Variants in LRBA observed in about 807,000 individuals in gnomAD.
LRBA encodes LPS responsive beige-like anchor protein.
A neutral mutation model predicts 330.0 loss-of-function variants in LRBA; 176 were observed. The observed-to-expected ratio is 0.53, with a 90% CI of 0.47 to 0.60. The LOEUF is 0.60. Ranked by LOEUF, LRBA falls within the 20% of genes least tolerant of loss-of-function variation. The probability of loss-of-function intolerance (pLI) is 0.00; values close to 1 mark genes in which losing one functional copy is unlikely to be tolerated. For synonymous variants in LRBA, 1,230 were observed against 1,193.0 expected (o/e 1.03, Z -0.64); for missense variants, 3,259 against 3,444.8 (o/e 0.95, Z 1.35).
At chr4:150,406,557 G>T (rs1469859521) in intron 47 of LRBA, among the ~76,000 whole-genome samples, 5 of 152,284 alleles carry the variant, frequency 3.3e-5, no homozygotes, top group Non-Finnish European at 4.4e-5. Context: ...GGCTTTAACA[G>T]TATCAGGCAA....
At chr4:150,600,333 G>A (rs1164661389) in intron 37 of LRBA, among the ~76,000 whole-genome samples, 1 of 152,078 alleles carries the variant, frequency 6.6e-6, no homozygotes, top group Non-Finnish European at 1.5e-5. Context: ...CAAATTAGTA[G>A]TCTTCAACAA....
At chr4:150,808,428 AT>A in intron 31 of LRBA, 30 bp from the exon 32 acceptor site, 1 of 1,292,908 alleles carries the variant, frequency 7.7e-7, no homozygotes, top group Non-Finnish European at 1.1e-6. Flanking sequence ...ATCTATAGGA[AT>A]TTTCTGCTTT....
intron 39 of LRBA, among the ~76,000 whole-genome samples, chr4:150,589,370 C>G (rs190257918): frequency 6.6e-6 from 1 of 152,242 alleles, no homozygotes; most frequent in Non-Finnish European, 1.5e-5. Context: ...GAGATCAGAG[C>G]AGGTTTTGCC....
chr4:150,981,783 A>G (rs1010225574), intron 2 of LRBA, among the ~76,000 whole-genome samples: 2 of 151,958 alleles, frequency 1.3e-5, no homozygotes, highest in Non-Finnish European at 2.9e-5. Flanking sequence ...ACACGGCGAA[A>G]CCCTGTGTCT....
intron 40 of LRBA, among the ~76,000 whole-genome samples, chr4:150,496,492 T>A (rs562021917): frequency 9.9e-4 from 151 of 151,782 alleles, no homozygotes; most frequent in Admixed American, 1.4e-3. Context: ...TTTATTTTTT[T>A]AAAAAAAACT....
intron 38 of LRBA, among the ~76,000 whole-genome samples, chr4:150,592,282 A>T (rs1210588264): frequency 6.6e-6 from 1 of 150,758 alleles, no homozygotes; most frequent in Non-Finnish European, 1.5e-5. Context: ...TATTCTACAT[A>T]GTTAACCTGC....
chr4:150,559,545 G>C (rs1464628169), intron 40 of LRBA, among the ~76,000 whole-genome samples: 1 of 123,286 alleles, frequency 8.1e-6, no homozygotes, highest in African/African-American at 3.1e-5. Flanking sequence ...TTATATATAA[G>C]ATAAATATAT....
intron 40 of LRBA, among the ~76,000 whole-genome samples, chr4:150,500,677 A>G (rs1432060095): frequency 1.3e-5 from 2 of 152,244 alleles, no homozygotes; most frequent in East Asian, 3.9e-4. Flanking sequence ...TATTCTGTGT[A>G]GCAGATACAA....
At chr4:150,809,354 G>A (rs550756769) in intron 31 of LRBA, among the ~76,000 whole-genome samples, 1 of 152,254 alleles carries the variant, frequency 6.6e-6, no homozygotes, top group South Asian at 2.1e-4. Context: ...AGAAAGAAAT[G>A]GCTGATTCAA....
intron 2 of LRBA, among the ~76,000 whole-genome samples, chr4:150,990,080 T>C (rs1015821263): frequency 1.1e-4 from 17 of 151,730 alleles, no homozygotes; most frequent in African/African-American, 3.1e-4. Flanking sequence ...TCAAGCAAAA[T>C]GAAAGAAAAA....
chr4:150,803,075 A>ATAC (rs1553964880), intron 33 of LRBA, among the ~76,000 whole-genome samples: 2 of 129,884 alleles, frequency 1.5e-5, no homozygotes, highest in African/African-American at 5.9e-5. Context: ...ACAAAAAAAA[A>ATAC]ATATATATAC....
chr4:150,362,068 C>T (rs1276456807), intron 47 of LRBA, among the ~76,000 whole-genome samples: 7 of 152,018 alleles, frequency 4.6e-5, no homozygotes, highest in Non-Finnish European at 8.8e-5. Flanking sequence ...CACCGCGCCT[C>T]GCCCATCACA....
intron 40 of LRBA, among the ~76,000 whole-genome samples, chr4:150,541,855 A>AC (rs1237390096): frequency 6.6e-6 from 1 of 151,980 alleles, no homozygotes; most frequent in East Asian, 1.9e-4. Context: ...ATTTAAAAAA[A>AC]ATTTTTTTTT....
chr4:150,329,083 G>A (rs1455846494), intron 48 of LRBA, among the ~76,000 whole-genome samples: 1 of 152,066 alleles, frequency 6.6e-6, no homozygotes, highest in African/African-American at 2.4e-5. Context: ...TTTAAATCAC[G>A]TAATATAGTG....
At chr4:150,480,506 G>GA in intron 42 of LRBA, among the ~76,000 whole-genome samples, 1 of 152,002 alleles carries the variant, frequency 6.6e-6, no homozygotes, top group Admixed American at 6.6e-5. Flanking sequence ...TCAAAACGAT[G>GA]AAAAGTTTCA....
intron 44 of LRBA, among the ~76,000 whole-genome samples, chr4:150,461,600 C>A (rs1754784858): frequency 6.6e-6 from 1 of 151,618 alleles, no homozygotes; most frequent in African/African-American, 2.4e-5. Flanking sequence ...AAGGAATTAC[C>A]ACACACAAAA....
At chr4:150,411,442 T>C (rs1746984317) in intron 47 of LRBA, among the ~76,000 whole-genome samples, 1 of 152,186 alleles carries the variant, frequency 6.6e-6, no homozygotes, top group African/African-American at 2.4e-5. Flanking sequence ...CTGGGTATCT[T>C]AAAATGAGTA....
Position 150,916,466 on chromosome 4 carries a change from T to A in LRBA, c.829A>T (p.Thr277Ser). 6.2e-7 allele frequency: 1 copy of A among 1,613,764 alleles called. No homozygotes were observed. Among genetic ancestry groups the A allele is most frequent in the Non-Finnish European group, 8.5e-7 (1 of 1,179,800 alleles). The change falls in exon 7 of 57, where the codon ACA becomes TCA. Residue 277 changes from threonine (T) to serine (S), a missense_variant. Transcript: ENST00000651943. ...CCTTTTCCTTTTGACTTTATTGATG[T>A]TACAATCAAACAGCCTCCAACAAAA... ...AHFVGGCLIV[T>S]SIKSKGKGFQ...
chr4:150,693,588 T>TAAAAA (rs1784349478), intron 36 of LRBA, among the ~76,000 whole-genome samples: 1 of 80,564 alleles, frequency 1.2e-5, no homozygotes, highest in African/African-American at 3.3e-5. Flanking sequence ...AAAAAAAAAT[T>TAAAAA]GGGCAAGAAA....
Sources: allele counts gnomAD v4.1 joint callset (sites outside exome capture counted in the v4.1 genomes callset), GRCh38; gene constraint gnomAD v4.1.1; transcripts MANE v1.5; gene names NCBI Gene and HGNC (gene_info 2026-07-23, HGNC 2026-07-21).